The following ANK1 variants were observed in gnomAD, a reference collection of about 807,000 sequenced individuals.
ANK1 encodes the protein ankyrin-1.
In ANK1, 51 loss-of-function variants were observed where a neutral mutation model predicts 210.4. The observed-to-expected ratio is 0.24, with a 90% CI of 0.19 to 0.31. The LOEUF (loss-of-function observed/expected upper bound fraction) is 0.31. Ranked by LOEUF, ANK1 falls within the 10% of genes least tolerant of loss-of-function variation. The pLI is 1.00. For missense variants in ANK1, 2,051 were observed against 2,504.4 expected (o/e 0.82, Z 3.86); for synonymous variants, 967 against 1,025.9 (o/e 0.94, Z 1.10).
At chr8:41,752,944 C>T (rs1017929372) in intron 2 of ANK1, among the ~76,000 whole-genome samples, 2 of 152,110 alleles carry the variant, frequency 1.3e-5, no homozygotes, top group Non-Finnish European at 2.9e-5. Flanking sequence ...GACTGGAATC[C>T]TTCATGTGGC....
In ANK1 at chr8:41,797,567, G is replaced by A; in HGVS notation, c.-29C>T. 6.2e-7 allele frequency: 1 copy of A among 1,612,764 alleles called. No individual in the cohort carries two copies. The highest frequency in any genetic ancestry group is 8.5e-7 in the Non-Finnish European group (1 of 1,179,706). On this transcript the variant is annotated 5_prime_UTR_variant, in exon 1 of 43. Coordinates refer to ENST00000289734, the MANE Select transcript of ANK1 (RefSeq NM_000037.4). This position sits in a 1 kb window ranked among gnomAD's most constrained non-coding sequence, Gnocchi z 4.0. Reference sequence around the variant, plus strand: ...GGTCTTTCAGCAGGGGCCCGCCGAAGGGCCTTGGGGGCTTGAGGAGGAGCA... The same window carrying A: ...GGTCTTTCAGCAGGGGCCCGCCGAAAGGCCTTGGGGGCTTGAGGAGGAGCA...
At chr8:41,866,975 A>G (rs918295088) in intron 1 of ANK1, among the ~76,000 whole-genome samples, 1 of 152,224 alleles carries the variant, frequency 6.6e-6, no homozygotes, top group Non-Finnish European at 1.5e-5. Flanking sequence ...ATATACCCAG[A>G]AATGGAATTG....
At chr8:41,727,016 C>T (rs964934614) in intron 5 of ANK1, among the ~76,000 whole-genome samples, 3 of 152,234 alleles carry the variant, frequency 2.0e-5, no homozygotes, top group Non-Finnish European at 2.9e-5. Flanking sequence ...GGGAAGGACA[C>T]CCTCAAGTGT....
chr8:41,844,897 G>C (rs1294115324), intron 1 of ANK1, among the ~76,000 whole-genome samples: 5 of 152,120 alleles, frequency 3.3e-5, no homozygotes, highest in Non-Finnish European at 5.9e-5. Flanking sequence ...AGATGAGCAG[G>C]AGCCCGCCTC....
At chr8:41,782,016 C>A (rs529900541) in intron 1 of ANK1, among the ~76,000 whole-genome samples, 9 of 152,120 alleles carry the variant, frequency 5.9e-5, no homozygotes, top group Non-Finnish European at 1.2e-4. Flanking sequence ...CTAAGTAAAC[C>A]CAGGGATTTA....
intron 16 of ANK1, among the ~76,000 whole-genome samples, chr8:41,711,049 C>T (rs768820428): frequency 6.6e-6 from 1 of 152,162 alleles, no homozygotes; most frequent in Non-Finnish European, 1.5e-5. Flanking sequence ...AATTGTTCTT[C>T]GTAGGTTGTG....
At position 41,655,548 on chromosome 8, in the gene ANK1, T is replaced by C. The variant is rs1258284571; in HGVS notation, c.*242A>G. On this transcript the variant is annotated 3_prime_UTR_variant, in exon 43 of 43. Coordinates refer to ENST00000289734, the MANE Select transcript of ANK1 (RefSeq NM_000037.4). ...CTGGTTCCGACAGATCAGCTGTCAT[T>C]GCAAGAGGCAGGATTGAAGCCTGGA... 5.7e-6 allele frequency: 4 copies of C among 698,814 alleles called. No homozygotes were observed. Among genetic ancestry groups the C allele is most frequent in the East Asian group, 2.7e-5 (1 of 36,456 alleles). The allele number at this position is 698,814 out of a possible 1,614,324, so 43.3% of individuals were successfully genotyped here.
chr8:41,732,165 A>G (rs1832331932), intron 3 of ANK1, among the ~76,000 whole-genome samples: 1 of 152,216 alleles, frequency 6.6e-6, no homozygotes, highest in Non-Finnish European at 1.5e-5. Context: ...CATAAATTAT[A>G]TCTGTTCTCT....
At chr8:41,668,236 C>A (rs200180654) in intron 39 of ANK1, 31 bp downstream of exon 39, 128 of 1,613,784 alleles carry the variant, frequency 7.9e-5, no homozygotes, top group Non-Finnish European at 1.0e-4. Flanking sequence ...TGGGAAGGAA[C>A]AGCAGCACGC....
chr8:41,738,772 G>T lies in ANK1; in HGVS notation c.130-4703C>A, dbSNP rs547091543. Among the ~76,000 whole-genome samples the T allele has an allele frequency of 1.8e-4, 28 of 152,314 alleles. No homozygotes were observed. The South Asian group carries it at 3.5e-3, about 19-fold the overall frequency. On this transcript the variant is annotated intron_variant, in intron 2 of 42. Transcript: ENST00000289734. ...CTAAAAGTAAAAGGCAGCTTGCTGA[G>T]ACTTGCTTTGAATCTTTTCGGCGAC...
At chr8:41,665,606 T>A (rs1023347552) in intron 39 of ANK1, 4 of 283,232 alleles carry the variant, frequency 1.4e-5, no homozygotes, top group African/African-American at 8.9e-5. Context: ...GTGATCCAAA[T>A]GCTGTTCCCC....
intron 2 of ANK1, among the ~76,000 whole-genome samples, chr8:41,752,858 C>T (rs1015563138): frequency 6.6e-6 from 1 of 151,446 alleles, no homozygotes; most frequent in Non-Finnish European, 1.5e-5. Context: ...CCAGTGAGAC[C>T]CTTTAAAGCA....
At chr8:41,729,871 C>T (rs375770941) in intron 3 of ANK1, among the ~76,000 whole-genome samples, 24 of 152,222 alleles carry the variant, frequency 1.6e-4, no homozygotes, top group African/African-American at 5.5e-4. Flanking sequence ...AGCCCCCATT[C>T]AGGGAGTTGA....
At chr8:41,656,197 G>A (rs1805647143) in intron 42 of ANK1, among the ~76,000 whole-genome samples, 1 of 152,256 alleles carries the variant, frequency 6.6e-6, no homozygotes, top group Admixed American at 6.5e-5. Context: ...GCTAGGTGAG[G>A]CTAGGTGAGG....
At chr8:41,662,027 C>G in intron 40 of ANK1, 86 bp from the exon 41 acceptor site, 1 of 1,503,470 alleles carries the variant, frequency 6.7e-7, no homozygotes, top group Admixed American at 1.7e-5. Context: ...GGGAGGCTGA[C>G]GTGCAGATCA....
At position 41,690,461 on chromosome 8, in the gene ANK1, A is replaced by T; in HGVS notation, c.3984+13T>A. The T allele has an allele frequency of 6.2e-7, 1 of 1,614,198 alleles. No homozygotes were observed. Among genetic ancestry groups the T allele is most frequent in the Non-Finnish European group, 8.5e-7 (1 of 1,180,028 alleles). ...TAGACCCAGAGGAGAACTCAGCCAG[A>T]GGGTGCCGGCACCTTTACAGGCATG... On this transcript the variant is annotated intron_variant, in intron 32 of 42. Coordinates refer to ENST00000289734, the MANE Select transcript of ANK1 (RefSeq NM_000037.4).
chr8:41,782,271 A>G (rs1586909984), intron 1 of ANK1, among the ~76,000 whole-genome samples: 1 of 152,238 alleles, frequency 6.6e-6, no homozygotes, highest in Non-Finnish European at 1.5e-5. Flanking sequence ...GCCAAAATGC[A>G]TGGCCAAGAA....
intron 1 of ANK1, among the ~76,000 whole-genome samples, chr8:41,810,163 G>T (rs75663018): frequency 0.011 from 1,644 of 152,276 alleles, 10 homozygotes; most frequent in Middle Eastern, 0.048. Flanking sequence ...AACCTGAAGG[G>T]CATTTAGACA....
chr8:41,685,217 C>T (rs1331116438), intron 36 of ANK1, among the ~76,000 whole-genome samples: 1 of 152,234 alleles, frequency 6.6e-6, no homozygotes, highest in Non-Finnish European at 1.5e-5. Context: ...GCATGAGCCA[C>T]CGTGCCCACC....
Sources: gnomAD v4.1 joint callset for allele counts (sites outside exome capture counted in the v4.1 genomes callset) on GRCh38, gnomAD v4.1.1 for gene constraint, Gnocchi (gnomAD v3.1) non-coding constraint, MANE v1.5 for transcripts, NCBI Gene and HGNC (gene_info 2026-07-23, HGNC 2026-07-21) for gene names.